The following NEB variants were observed in gnomAD, a reference collection of about 807,000 sequenced individuals.
NEB encodes nemaline myopathy type 2.
NEB carries 512 observed loss-of-function variants against 952.2 expected under a neutral mutation model. The observed-to-expected ratio is 0.54, with a 90% confidence interval of 0.50 to 0.58. The LOEUF is 0.58. Ranked by LOEUF, NEB falls within the 20% of genes least tolerant of loss-of-function variation. The probability of loss-of-function intolerance (pLI) is 0.00; values close to 1 mark genes in which losing one functional copy is unlikely to be tolerated. For missense variants in NEB, 8,428 were observed against 9,231.1 expected (o/e 0.91, Z 3.56); for synonymous variants, 2,900 against 3,149.8 (o/e 0.92, Z 2.66).
intron 13 of NEB, among the ~76,000 whole-genome samples, chr2:151,706,154 A>C (rs745794482): frequency 3.3e-5 from 5 of 152,204 alleles, no homozygotes; most frequent in Non-Finnish European, 5.9e-5. Flanking sequence ...ATACCCTCTC[A>C]CTTGCCACTT....
At chr2:151,512,019 C>CTTTTTTTTTTTTTT (rs71403173) in intron 161 of NEB, among the ~76,000 whole-genome samples, 2 of 93,586 alleles carry the variant, frequency 2.1e-5, no homozygotes, top group South Asian at 3.7e-4. Context: ...CCCTCTCACT[C>CTTTTTTTTTTTTTT]TTTTTTTTTT....
At position 151,620,988 on chromosome 2, in the gene NEB, T is replaced by C. The variant is rs2098404261; in HGVS notation, c.10491A>G (p.Glu3497=). Residue 3497 remains glutamate (E), a synonymous_variant, in exon 72 of 182, where the codon GAA becomes GAG. Transcript: ENST00000397345. ...YRQAMEEAKK[E]GYDLRSDAIP... ...TGGCATCACTTCTCAAGTCATAGCC[T>C]TCTTTCTTGGCTTCTTCCATGGCCT... The C allele has an allele frequency of 1.2e-6, 2 of 1,612,574 alleles. No homozygotes were observed. Among genetic ancestry groups the C allele is most frequent in the African/African-American group, 1.3e-5 (1 of 74,918 alleles).
At chr2:151,492,559 G>A (rs1395565952) in intron 176 of NEB, 65 bp from the exon 177 acceptor site, 5 of 1,244,014 alleles carry the variant, frequency 4.0e-6, no homozygotes. Context: ...AGCCTTTCCA[G>A]CAGATAGAGA....
chr2:151,694,345 T>G lies in NEB; in HGVS notation c.1874A>C (p.Lys625Thr), dbSNP rs771953488. Reference sequence around the variant, plus strand: ...CACATCACTCTGGTTTTTGGCCACCTTCAAGGAGTGCAGCATCTTGGGATC... The same window carrying G: ...CACATCACTCTGGTTTTTGGCCACCGTCAAGGAGTGCAGCATCTTGGGATC... ...NDDPKMLHSL[K>T]VAKNQSDRLY... The change falls in exon 20 of 182, where the codon AAG (lysine) becomes ACG (threonine). Residue 625 changes from lysine (K) to threonine (T), a missense_variant. By Grantham distance (78) the Lys-to-Thr change is moderately conservative. Around this residue, in one of 11 missense-constraint regions of NEB, gnomAD observed 2,851 missense variants for 2,791.5 expected, o/e 1.02. Coordinates refer to ENST00000397345, the MANE Select transcript of NEB (RefSeq NM_001164508.2). 8 of 1,613,898 alleles carry G rather than the reference T, an allele frequency of 5.0e-6. No individual in the cohort carries two copies. The highest frequency in any genetic ancestry group is 6.8e-6 in the Non-Finnish European group (8 of 1,179,862).
intron 11 of NEB, among the ~76,000 whole-genome samples, 173 bp from the exon 12 acceptor site, chr2:151,709,936 A>G (rs972120671): frequency 6.6e-5 from 10 of 152,238 alleles, no homozygotes; most frequent in African/African-American, 1.7e-4. Context: ...TTAGCAACTT[A>G]ACAGAGATTT....
intron 62 of NEB, 109 bp from the exon 63 acceptor site, chr2:151,639,493 T>C: frequency 1.3e-6 from 1 of 777,408 alleles, no homozygotes; most frequent in Non-Finnish European, 2.0e-6. Context: ...TTATGTGTTT[T>C]ATACACATTA....
chr2:151,709,766 G>A lies in NEB; in HGVS notation c.928-3C>T. ...TCAAAATCTTCCTGGTATTTCCTCTGTAAGACATCAGACAAGCTGAAGAAC... is the reference window on the plus strand; with the variant it reads ...TCAAAATCTTCCTGGTATTTCCTCTATAAGACATCAGACAAGCTGAAGAAC... On this transcript the variant is annotated splice_region_variant and splice_polypyrimidine_tract_variant and intron_variant, in intron 11 of 181. Transcript: ENST00000397345. 6.3e-7 allele frequency: 1 copy of A among 1,579,986 alleles called. No individual in the cohort carries two copies. The highest frequency in any genetic ancestry group is 8.6e-7 in the Non-Finnish European group (1 of 1,158,292).
chr2:151,731,966 AT>A (rs2099810315), intron 3 of NEB, among the ~76,000 whole-genome samples: 1 of 152,130 alleles, frequency 6.6e-6, no homozygotes. Context: ...GATTCATTCT[AT>A]TTTTTCCCTC....
Position 151,655,890 on chromosome 2 carries a change from T to C in NEB, c.6629A>G (p.Asn2210Ser), listed in dbSNP as rs768864684. The C allele has an allele frequency of 7.1e-5, 114 of 1,613,788 alleles. 1 individual carries two copies. The South Asian group carries it at 1.2e-3, about 17-fold the overall frequency. ...SDQKYRQHPS[N>S]FQFKKLTDSM... ...ATCAGTCAGCTTCTTAAACTGGAAG[T>C]TGCTCGGGTGCTGGCGGTATTTCTG... Residue 2210 changes from asparagine (N) to serine (S), a missense_variant, in exon 50 of 182, where the codon AAC becomes AGC. By Grantham distance (46) the Asn-to-Ser change is conservative. Coordinates refer to ENST00000397345, the MANE Select transcript of NEB (RefSeq NM_001164508.2).
intron 10 of NEB, among the ~76,000 whole-genome samples, chr2:151,715,476 A>C (rs2099756575): frequency 6.6e-6 from 1 of 152,200 alleles, no homozygotes; most frequent in South Asian, 2.1e-4. Flanking sequence ...ACTTGAAGGT[A>C]AGGGGATTTG....
In NEB at chr2:151,546,015, A is replaced by AC. The variant is rs2094625188; in HGVS notation, c.20467-18_20467-17insG. On this transcript the variant is annotated splice_polypyrimidine_tract_variant and intron_variant, in intron 134 of 181. Transcript: ENST00000397345. The stretch of plus-strand genomic sequence containing the variant: ...GTAATTAGACTTAAAAAAAAAAAAA[A>AC]AAACAGAAATACAAGTTGATTAATC... 7.0e-7 allele frequency: 1 copy of AC among 1,420,560 alleles called. No individual in the cohort carries two copies. The highest frequency in any genetic ancestry group is 1.8e-4 in the Middle Eastern group (1 of 5,650). The allele number at this position is 1,420,560 out of a possible 1,614,324, so 88.0% of individuals were successfully genotyped here.
chr2:151,663,664 T>C lies in NEB; in HGVS notation c.5647A>G (p.Lys1883Glu). The C allele has an allele frequency of 6.2e-7, 1 of 1,613,768 alleles. No individual in the cohort carries two copies. ...VDMLSVVAAKKSQEVATNANY... is the reference protein window; with the variant it reads ...VDMLSVVAAKESQEVATNANY... ...GCATTGGTGGCCACTTCCTGAGACT[T>C]CTTGGCTGCCACCACACTGAGCATG... The change falls in exon 45 of 182, where the codon AAG becomes GAG. Residue 1883 changes from lysine to glutamate, a missense_variant. Around this residue, in one of 11 missense-constraint regions of NEB, gnomAD observed 2,851 missense variants for 2,791.5 expected, o/e 1.02. Coordinates refer to ENST00000397345, the MANE Select transcript of NEB (RefSeq NM_001164508.2).
At chr2:151,691,338 A>G (rs1445795193) in intron 23 of NEB, among the ~76,000 whole-genome samples, 1 of 152,158 alleles carries the variant, frequency 6.6e-6, no homozygotes, top group East Asian at 1.9e-4. Flanking sequence ...TTGACCACCC[A>G]ACCTAAGACG....
At chr2:151,532,362 C>T (rs753618186) in intron 143 of NEB, among the ~76,000 whole-genome samples, 1 of 152,116 alleles carries the variant, frequency 6.6e-6, no homozygotes, top group Non-Finnish European at 1.5e-5. Flanking sequence ...TTACTCATAA[C>T]ATATTGTATT....
rs1238480774 is a variant in NEB at position 151,677,913 on chromosome 2, A to T, written c.3530T>A (p.Leu1177Gln). ...CTGCATCATGTTCTTAGACAGCTCC[A>T]GGTCCATGGCGTCAGGCAAGTAGGT... ...HYTYLPDAMD[L>Q]ELSKNMMQIQ... Residue 1177 changes from leucine to glutamine, a missense_variant, in exon 33 of 182, where the codon CTG becomes CAG. Physicochemically the swap from Leu to Gln is moderately radical, Grantham distance 113 (BLOSUM62 -2). Coordinates refer to ENST00000397345, the MANE Select transcript of NEB (RefSeq NM_001164508.2). 7 of 1,613,320 alleles carry T rather than the reference A, an allele frequency of 4.3e-6. No individual in the cohort carries two copies. The highest frequency in any genetic ancestry group is 5.9e-6 in the Non-Finnish European group (7 of 1,179,526).
chr2:151,493,309 T>C, intron 176 of NEB, 44 bp downstream of exon 176: 3 of 1,417,232 alleles, frequency 2.1e-6, no homozygotes, highest in Non-Finnish European at 3.0e-6. Context: ...TAAAATGTTA[T>C]TTTCCAAGTT....
chr2:151,698,633 T>A (rs1193063063), intron 13 of NEB, among the ~76,000 whole-genome samples: 1 of 149,460 alleles, frequency 6.7e-6, no homozygotes, highest in Non-Finnish European at 1.5e-5. Context: ...AGTACTTCAT[T>A]AATTTTTTTT....
At chr2:151,548,282 C>T (rs540035985) in intron 131 of NEB, 26 bp downstream of exon 131, 2 of 1,543,626 alleles carry the variant, frequency 1.3e-6, no homozygotes, top group Non-Finnish European at 1.8e-6. Context: ...CTCAATATGT[C>T]TCTTGGAGAA....
chr2:151,663,181 C>A (rs2099166703), intron 45 of NEB, among the ~76,000 whole-genome samples: 1 of 152,200 alleles, frequency 6.6e-6, no homozygotes, highest in Admixed American at 6.5e-5. Flanking sequence ...GGGGCTGGAG[C>A]TATCAGGTTA....
Sources: gnomAD v4.1 joint callset for allele counts (sites outside exome capture counted in the v4.1 genomes callset) on GRCh38, gnomAD v4.1.1 for gene constraint, gnomAD v4.1.1 regional missense constraint, MANE v1.5 for transcripts, NCBI Gene and HGNC (gene_info 2026-07-23, HGNC 2026-07-21) for gene names.